Variants in CTIF observed in about 807,000 individuals in gnomAD.
The protein encoded by CTIF is CBP80/20-dependent translation initiation factor.
CTIF carries 21 observed loss-of-function variants against 66.0 expected under a neutral mutation model. The observed-to-expected ratio is 0.32, with a 90% CI of 0.23 to 0.46. The LOEUF is 0.46. Among genes scored for constraint, CTIF ranks in the 20% least tolerant of loss-of-function variants. CTIF has a pLI of 1.00. For missense variants in CTIF, 739 were observed against 812.7 expected (o/e 0.91, Z 1.10); for synonymous variants, 345 against 326.4 (o/e 1.06, Z -0.62).
At chr18:48,680,034 G>A (rs993949815) in intron 6 of CTIF, among the ~76,000 whole-genome samples, 7 of 152,190 alleles carry the variant, frequency 4.6e-5, no homozygotes, top group East Asian at 1.9e-4. Context: ...GGACTCAGCC[G>A]AATGCTCTCC....
chr18:48,623,846 AGGATGGATGGAT>A (rs529662129), intron 2 of CTIF, among the ~76,000 whole-genome samples: 3 of 150,732 alleles, frequency 2.0e-5, no homozygotes, highest in East Asian at 3.9e-4. Context: ...AAAGAAATGA[AGGATGGATGGAT>A]GGATGGATGG....
chr18:48,650,050 A>G (rs1348780462), intron 3 of CTIF, among the ~76,000 whole-genome samples: 2 of 152,382 alleles, frequency 1.3e-5, no homozygotes, highest in South Asian at 2.1e-4. Flanking sequence ...TGAAAATTCT[A>G]AAAACAAGAG....
At chr18:48,789,323 T>G (rs1011317177) in intron 9 of CTIF, among the ~76,000 whole-genome samples, 2 of 152,210 alleles carry the variant, frequency 1.3e-5, no homozygotes, top group Non-Finnish European at 2.9e-5. Flanking sequence ...AGCCTCAGTT[T>G]CCTCACTGGT....
At chr18:48,688,966 A>G (rs2091885347) in intron 6 of CTIF, among the ~76,000 whole-genome samples, 1 of 152,248 alleles carries the variant, frequency 6.6e-6, no homozygotes. Context: ...CTGCAAGACC[A>G]CATAAGCTGC....
At chr18:48,547,279 A>T (rs2088774495) in intron 1 of CTIF, among the ~76,000 whole-genome samples, 1 of 152,172 alleles carries the variant, frequency 6.6e-6, no homozygotes, top group Non-Finnish European at 1.5e-5. Flanking sequence ...AGCCCAGAAC[A>T]TTCTCCCTAC....
intron 10 of CTIF, among the ~76,000 whole-genome samples, chr18:48,837,128 T>C (rs571367038): frequency 2.0e-5 from 3 of 152,236 alleles, no homozygotes; most frequent in Admixed American, 6.5e-5. Context: ...CTGGCTCCCA[T>C]CCAATGCCCA....
chr18:48,721,750 T>TTC (rs2092338246), intron 7 of CTIF, among the ~76,000 whole-genome samples: 1 of 150,602 alleles, frequency 6.6e-6, no homozygotes, highest in Non-Finnish European at 1.5e-5. Context: ...AGAACGTGCA[T>TTC]CCCCCCCTCT....
rs80114863 is a variant in CTIF, at chr18:48,640,581, A to G, written c.252+3896A>G. On this transcript the variant is annotated intron_variant, in intron 3 of 11. Transcript: ENST00000256413. ...AGTTTCAGGGAGAAACTGAGGCTAC[A>G]TGGAGATGCGGTGGCTGGCTGCTCT... Among the ~76,000 whole-genome samples the G allele has an allele frequency of 6.3e-3, 964 of 152,354 alleles. 21 individuals are homozygous for G. In the East Asian group the frequency reaches 0.076, roughly 12 times the overall value.
At chr18:48,801,393 G>A (rs1489734509) in intron 9 of CTIF, among the ~76,000 whole-genome samples, 4 of 152,292 alleles carry the variant, frequency 2.6e-5, no homozygotes, top group East Asian at 1.9e-4. Flanking sequence ...CTCCGCCTCC[G>A]GCTGTTCCTC....
At chr18:48,834,366 T>C (rs1300151920) in intron 10 of CTIF, among the ~76,000 whole-genome samples, 1 of 152,178 alleles carries the variant, frequency 6.6e-6, no homozygotes, top group African/African-American at 2.4e-5. Context: ...TATTCTTTGA[T>C]TTTTTTCCCC....
At chr18:48,572,413 A>C (rs541561088) in intron 1 of CTIF, among the ~76,000 whole-genome samples, 1 of 152,304 alleles carries the variant, frequency 6.6e-6, no homozygotes, top group South Asian at 2.1e-4. Context: ...GGGAATGCAG[A>C]GGAGAGGAGC....
chr18:48,798,132 AG>A (rs2067970024), intron 9 of CTIF, among the ~76,000 whole-genome samples: 1 of 152,190 alleles, frequency 6.6e-6, no homozygotes. Context: ...CAGACCTGTG[AG>A]GGAGCTGGTG....
intron 10 of CTIF, among the ~76,000 whole-genome samples, chr18:48,849,767 A>G (rs1036883488): frequency 1.3e-4 from 20 of 151,652 alleles, no homozygotes; most frequent in African/African-American, 4.8e-4. Flanking sequence ...TGTATTTTTA[A>G]TAGAGACGGG....
chr18:48,572,842 G>A (rs2089445743), intron 1 of CTIF, among the ~76,000 whole-genome samples: 1 of 151,974 alleles, frequency 6.6e-6, no homozygotes, highest in African/African-American at 2.4e-5. Flanking sequence ...ACAAAACCTA[G>A]CCAGGCCACT....
At chr18:48,806,588 A>T (rs2068152336) in intron 9 of CTIF, among the ~76,000 whole-genome samples, 1 of 152,180 alleles carries the variant, frequency 6.6e-6, no homozygotes, top group African/African-American at 2.4e-5. Flanking sequence ...CAGGAAGTGT[A>T]AAAAATATAT....
intron 3 of CTIF, among the ~76,000 whole-genome samples, chr18:48,639,721 C>G (rs1039479758): frequency 6.6e-6 from 1 of 152,190 alleles, no homozygotes; most frequent in African/African-American, 2.4e-5. Context: ...CCTGGATGGG[C>G]GTTTGGGGCT....
At chr18:48,794,025 C>T (rs1478400222) in intron 9 of CTIF, among the ~76,000 whole-genome samples, 1 of 146,054 alleles carries the variant, frequency 6.8e-6, no homozygotes, top group Admixed American at 7.0e-5. Context: ...TCCCCATCCC[C>T]ATCTCCCCAG....
chr18:48,711,563 G>T, intron 6 of CTIF, 56 bp from the exon 7 acceptor site: 1 of 1,402,414 alleles, frequency 7.1e-7, no homozygotes. Context: ...TCCCAGAGGT[G>T]CTTTGCTCTC....
intron 7 of CTIF, among the ~76,000 whole-genome samples, chr18:48,749,194 A>G (rs955525252): frequency 2.0e-5 from 3 of 152,194 alleles, no homozygotes; most frequent in Non-Finnish European, 4.4e-5. Context: ...TTCCAGGTCA[A>G]TCAACTCGTA....
Sources: gnomAD v4.1 joint callset for allele counts (sites outside exome capture counted in the v4.1 genomes callset) on GRCh38, gnomAD v4.1.1 for gene constraint, MANE v1.5 for transcripts, NCBI Gene and HGNC (gene_info 2026-07-23, HGNC 2026-07-21) for gene names.